Variants in TSHZ2 observed in about 807,000 individuals in gnomAD.
The protein encoded by TSHZ2 is teashirt zinc finger homeobox 2, also known as teashirt homolog 2.
Under a neutral mutation model 74.4 loss-of-function variants are expected in TSHZ2, and 21 were observed. That is an observed-to-expected ratio of 0.28 (90% CI 0.20 to 0.41). TSHZ2 has a LOEUF of 0.41. Ranked by LOEUF, TSHZ2 falls within the 10% of genes least tolerant of loss-of-function variation. The pLI is 1.00. For synonymous variants in TSHZ2, 540 were observed against 515.3 expected (o/e 1.05, Z -0.65); for missense variants, 1,244 against 1,293.5 (o/e 0.96, Z 0.59).
chr20:53,149,466 G>C (rs1987624525), intron 1 of TSHZ2, among the ~76,000 whole-genome samples: 4 of 152,154 alleles, frequency 2.6e-5, no homozygotes, highest in Admixed American at 2.6e-4. Context: ...AGAGAAAGAG[G>C]GGGAGGAAAG....
At chr20:53,147,149 T>A (rs1987560691) in intron 1 of TSHZ2, among the ~76,000 whole-genome samples, 1 of 152,208 alleles carries the variant, frequency 6.6e-6, no homozygotes, top group South Asian at 2.1e-4. Context: ...GCTTATTACA[T>A]ATTTTTTGTT....
chr20:53,171,297 A>G (rs73911214), intron 1 of TSHZ2, among the ~76,000 whole-genome samples: 3,731 of 152,340 alleles, frequency 0.024, 151 homozygotes, highest in African/African-American at 0.084. Flanking sequence ...CAATTAAGTT[A>G]GATGTGCCGA....
chr20:53,117,311 A>C (rs546785890), intron 1 of TSHZ2, among the ~76,000 whole-genome samples: 15 of 152,330 alleles, frequency 9.8e-5, no homozygotes, highest in African/African-American at 3.6e-4. Context: ...CTTCCTTACC[A>C]AGAACAATTT....
At chr20:53,098,050 G>A (rs1181791051) in intron 1 of TSHZ2, 1 of 152,214 alleles carries the variant, frequency 6.6e-6, no homozygotes, top group African/African-American at 2.4e-5. Flanking sequence ...GAGGTTTCTT[G>A]TGATCAGTGA....
chr20:53,393,954 G>A (rs1982353993), intron 2 of TSHZ2, among the ~76,000 whole-genome samples: 1 of 152,160 alleles, frequency 6.6e-6, no homozygotes, highest in South Asian at 2.1e-4. Context: ...GGTGAGGTAG[G>A]AAAAGTTAGG....
intron 1 of TSHZ2, among the ~76,000 whole-genome samples, chr20:53,243,460 G>A (rs892800301): frequency 2.0e-5 from 3 of 152,114 alleles, no homozygotes; most frequent in Non-Finnish European, 4.4e-5. Context: ...CCTTTGATTC[G>A]ATCAAATTGT....
chr20:53,298,300 AAC>A (rs1835318748), intron 2 of TSHZ2, among the ~76,000 whole-genome samples: 1 of 152,228 alleles, frequency 6.6e-6, no homozygotes. Context: ...AACAAAAATA[AAC>A]ACAAAATAAT....
At chr20:53,171,720 G>A (rs1364388430) in intron 1 of TSHZ2, among the ~76,000 whole-genome samples, 1 of 151,812 alleles carries the variant, frequency 6.6e-6, no homozygotes, top group Admixed American at 6.6e-5. Flanking sequence ...ACTTTTCTGA[G>A]GCTAAAACAT....
At chr20:53,385,404 A>G (rs1478935261) in intron 2 of TSHZ2, among the ~76,000 whole-genome samples, 1 of 152,168 alleles carries the variant, frequency 6.6e-6, no homozygotes, top group Non-Finnish European at 1.5e-5. Flanking sequence ...ACAGAAAGAA[A>G]AAGGCTAATG....
chr20:53,334,695 TA>T lies in TSHZ2; in HGVS notation c.*8+78132del, dbSNP rs964460531. 5.3e-5 allele frequency among the ~76,000 whole-genome samples: 8 copies of T among 152,016 alleles called. No individual in the cohort carries two copies. The East Asian group carries it at 5.8e-4, about 11-fold the overall frequency. On this transcript the variant is annotated intron_variant, in intron 2 of 2. Coordinates refer to ENST00000371497, the MANE Select transcript of TSHZ2 (RefSeq NM_173485.6). ...GGATTTACTTTTTTTTTTTCTAATT[TA>T]AAAAAAATTTTTTTTTGAGGCAGAG...
rs371541174 is a variant in TSHZ2, at chr20:53,240,019, C to T, written c.41-13480C>T. Among the ~76,000 whole-genome samples, 422 of 152,208 alleles carry T rather than the reference C, an allele frequency of 2.8e-3. 7 individuals carry two copies. Among genetic ancestry groups the T allele is most frequent in the South Asian group, 0.026 (125 of 4,826 alleles). On this transcript the variant is annotated intron_variant, in intron 1 of 2. Coordinates refer to ENST00000371497, the MANE Select transcript of TSHZ2 (RefSeq NM_173485.6). ...TTCATGAAATTTCAAAGTACAAAGA[C>T]AAAATCTTCAGGTAGAGTTTGATCA...
intron 2 of TSHZ2, among the ~76,000 whole-genome samples, chr20:53,452,362 G>T (rs1984822924): frequency 6.6e-6 from 1 of 152,192 alleles, no homozygotes; most frequent in Non-Finnish European, 1.5e-5. Flanking sequence ...CACTTTGGGA[G>T]GCCGAGGCAG....
rs567390153 is a variant in TSHZ2 at position 53,337,436 on chromosome 20, G to A, written c.*8+80865G>A. ...GGTTTTGCCTTTTTCATTAGAGAAGGACCCATTCTCTGTATGTTTCATTGG... is the reference window on the plus strand; with the variant it reads ...GGTTTTGCCTTTTTCATTAGAGAAGAACCCATTCTCTGTATGTTTCATTGG... On this transcript the variant is annotated intron_variant, in intron 2 of 2. Coordinates refer to ENST00000371497, the MANE Select transcript of TSHZ2 (RefSeq NM_173485.6). Among the ~76,000 whole-genome samples the A allele has an allele frequency of 2.0e-3, 311 of 152,200 alleles. 4 individuals carry two copies. Among genetic ancestry groups the A allele is most frequent in the Non-Finnish European group, 4.4e-4 (30 of 68,024 alleles).
intron 2 of TSHZ2, among the ~76,000 whole-genome samples, chr20:53,470,573 T>C (rs1985768089): frequency 6.6e-6 from 1 of 152,112 alleles, no homozygotes; most frequent in Middle Eastern, 3.2e-3. Flanking sequence ...CCCAGTACTT[T>C]GGGAGGCCGG....
intron 2 of TSHZ2, among the ~76,000 whole-genome samples, chr20:53,429,821 TTGTG>T: frequency 6.6e-6 from 1 of 151,624 alleles, no homozygotes; most frequent in South Asian, 2.1e-4. Flanking sequence ...GCATATTCAA[TTGTG>T]TGTGTGTGTG....
chr20:53,419,487 A>G (rs1983390606), intron 2 of TSHZ2, among the ~76,000 whole-genome samples: 1 of 152,214 alleles, frequency 6.6e-6, no homozygotes, highest in Non-Finnish European at 1.5e-5. Context: ...CATGCTCACA[A>G]CAGCCCTAAG....
intron 1 of TSHZ2, chr20:53,185,349 G>T: frequency 8.7e-7 from 1 of 1,150,310 alleles, no homozygotes; most frequent in South Asian, 2.8e-5. Flanking sequence ...CACAAAATCT[G>T]TTTGCTCCAA....
intron 2 of TSHZ2, among the ~76,000 whole-genome samples, chr20:53,467,873 G>A (rs973349221): frequency 2.0e-5 from 3 of 152,092 alleles, no homozygotes; most frequent in Non-Finnish European, 4.4e-5. Context: ...AGCAAGCAAC[G>A]TCTTCCCTAA....
At chr20:53,357,210 A>G (rs1980878819) in intron 2 of TSHZ2, among the ~76,000 whole-genome samples, 1 of 152,230 alleles carries the variant, frequency 6.6e-6, no homozygotes, top group South Asian at 2.1e-4. Flanking sequence ...ACATAGGACA[A>G]TATTCTGCAT....
Sources: allele counts gnomAD v4.1 joint callset (sites outside exome capture counted in the v4.1 genomes callset), GRCh38; gene constraint gnomAD v4.1.1; transcripts MANE v1.5; gene names NCBI Gene and HGNC (gene_info 2026-07-23, HGNC 2026-07-21).